Variants in KIF1B observed in about 807,000 individuals in gnomAD.
KIF1B encodes kinesin family member 1B, also known as kinesin-like protein KIF1B.
In KIF1B, 76 loss-of-function variants were observed where a neutral mutation model predicts 241.9. That is an observed-to-expected ratio of 0.31 (90% confidence interval 0.26 to 0.38). KIF1B has a LOEUF of 0.38. Ranked by LOEUF, KIF1B falls within the 10% of genes least tolerant of loss-of-function variation. The pLI is 1.00. For synonymous variants in KIF1B, 750 were observed against 796.7 expected (o/e 0.94, Z 0.99); for missense variants, 1,622 against 2,271.4 (o/e 0.71, Z 5.81).
intron 19 of KIF1B, 127 bp from the exon 20 acceptor site, chr1:10,296,455 A>G (rs897218002): frequency 3.0e-5 from 24 of 788,726 alleles, no homozygotes; most frequent in Non-Finnish European, 5.2e-5. Flanking sequence ...TGTATAGACA[A>G]CTTCAGCCAC....
At chr1:10,230,215 G>A (rs1646962619) in intron 1 of KIF1B, among the ~76,000 whole-genome samples, 1 of 152,034 alleles carries the variant, frequency 6.6e-6, no homozygotes, top group Non-Finnish European at 1.5e-5. Flanking sequence ...TCCTGTTCTC[G>A]GGAACACATC....
chr1:10,276,185 A>G (rs965555566), intron 11 of KIF1B, 136 bp from the exon 12 acceptor site: 24 of 719,298 alleles, frequency 3.3e-5, no homozygotes, highest in Non-Finnish European at 4.8e-5. Flanking sequence ...CTCCCTCTCA[A>G]AAAAAAAATA....
At chr1:10,295,850 A>G (rs981581886) in intron 19 of KIF1B, 84 bp downstream of exon 19, 8 of 1,151,648 alleles carry the variant, frequency 6.9e-6, no homozygotes, top group South Asian at 1.3e-5. Flanking sequence ...TTCTCTGTCT[A>G]TCAGTAGTAC....
chr1:10,216,633 C>G lies in KIF1B; in HGVS notation c.-80+5755C>G, dbSNP rs1305632382. Among the ~76,000 whole-genome samples, 3 of 152,072 alleles carry G rather than the reference C, an allele frequency of 2.0e-5. No individual in the cohort carries two copies. In the East Asian group the frequency reaches 5.8e-4, roughly 29 times the overall value. ...GGTCTCCCTTAAATCTGTCTTTGGT[C>G]CCTGTCGGAGCAGTTCTGCTTAGCT... On this transcript the variant is annotated intron_variant, in intron 1 of 48. Transcript: ENST00000676179.
At chr1:10,348,792 T>C (rs75185801) in intron 37 of KIF1B, 59 bp downstream of exon 37, 417 of 1,305,344 alleles carry the variant, frequency 3.2e-4, no homozygotes, top group Non-Finnish European at 4.1e-4. Flanking sequence ...TTTTTTTTTT[T>C]TGAGATAGGG....
At chr1:10,280,743 C>A in intron 14 of KIF1B, among the ~76,000 whole-genome samples, 1 of 152,292 alleles carries the variant, frequency 6.6e-6, no homozygotes, top group Non-Finnish European at 1.5e-5. Context: ...GGAAAAGGTG[C>A]CTTCTTCTTT....
At chr1:10,265,286 G>T (rs1648395416) in intron 5 of KIF1B, among the ~76,000 whole-genome samples, 1 of 151,486 alleles carries the variant, frequency 6.6e-6, no homozygotes, top group African/African-American at 2.4e-5. Flanking sequence ...CCAGGCTGGA[G>T]TGCAGTGGCG....
At chr1:10,314,046 C>A (rs1421079902) in intron 22 of KIF1B, among the ~76,000 whole-genome samples, 2 of 151,330 alleles carry the variant, frequency 1.3e-5, no homozygotes, top group Non-Finnish European at 2.9e-5. Flanking sequence ...GCATGTGCCA[C>A]CATGCCTAGC....
intron 38 of KIF1B, among the ~76,000 whole-genome samples, chr1:10,359,648 C>T (rs1446403762): frequency 6.6e-6 from 1 of 151,314 alleles, no homozygotes; most frequent in African/African-American, 2.4e-5. Context: ...TTTTTTTAAG[C>T]TAACAAATGG....
intron 2 of KIF1B, among the ~76,000 whole-genome samples, chr1:10,254,895 A>G (rs1647687536): frequency 6.6e-6 from 1 of 151,332 alleles, no homozygotes; most frequent in African/African-American, 2.4e-5. Context: ...AAAAAAAAAA[A>G]AAAAAGCTGC....
At chr1:10,270,567 A>C (rs1648733630) in intron 7 of KIF1B, among the ~76,000 whole-genome samples, 1 of 152,164 alleles carries the variant, frequency 6.6e-6, no homozygotes, top group South Asian at 2.1e-4. Flanking sequence ...TTGTGTGGAC[A>C]TTTGTTTTTG....
chr1:10,242,267 G>A (rs12407506), intron 2 of KIF1B, among the ~76,000 whole-genome samples: 4,037 of 151,936 alleles, frequency 0.027, 69 homozygotes, highest in South Asian at 0.062. Context: ...ACAGTCATGC[G>A]TTGAGAAATG....
intron 7 of KIF1B, among the ~76,000 whole-genome samples, chr1:10,269,753 G>T (rs1184607495): frequency 1.3e-5 from 2 of 152,316 alleles, no homozygotes; most frequent in Admixed American, 1.3e-4. Context: ...GGGAGGCAGA[G>T]GTTGCAGTTG....
At chr1:10,304,609 G>A in intron 22 of KIF1B, 1 of 1,614,046 alleles carries the variant, frequency 6.2e-7, no homozygotes, top group East Asian at 2.2e-5. Context: ...ACAGTTCTCA[G>A]CACCCAATCT....
intron 22 of KIF1B, among the ~76,000 whole-genome samples, chr1:10,313,410 A>C (rs1220130154): frequency 6.6e-6 from 1 of 151,298 alleles, no homozygotes; most frequent in Non-Finnish European, 1.5e-5. Context: ...GTAATAATTC[A>C]TGTTTAACAT....
At chr1:10,351,050 T>C (rs916888476) in intron 37 of KIF1B, among the ~76,000 whole-genome samples, 3 of 134,206 alleles carry the variant, frequency 2.2e-5, no homozygotes. Flanking sequence ...ATCATGCCAC[T>C]GCATGACAGA....
chr1:10,341,399 T>C (rs1414479826), intron 32 of KIF1B, among the ~76,000 whole-genome samples: 2 of 152,220 alleles, frequency 1.3e-5, no homozygotes, highest in East Asian at 3.8e-4. Context: ...ATGGATGTGC[T>C]GGAAGGGCCT....
intron 2 of KIF1B, among the ~76,000 whole-genome samples, chr1:10,235,056 A>C (rs547645662): frequency 1.3e-5 from 2 of 151,014 alleles, no homozygotes; most frequent in Admixed American, 1.3e-4. Flanking sequence ...CACCTGGCTA[A>C]TTTTTGTATT....
At chr1:10,290,086 A>G (rs918508138) in intron 15 of KIF1B, among the ~76,000 whole-genome samples, 2 of 152,072 alleles carry the variant, frequency 1.3e-5, no homozygotes, top group East Asian at 3.8e-4. Flanking sequence ...TCTCTGGTAT[A>G]CAGTAACCTC....
Sources: gnomAD v4.1 joint callset for allele counts (sites outside exome capture counted in the v4.1 genomes callset) on GRCh38, gnomAD v4.1.1 for gene constraint, MANE v1.5 for transcripts, NCBI Gene and HGNC (gene_info 2026-07-23, HGNC 2026-07-21) for gene names.